The following SEMA3A variants were observed in gnomAD, a reference collection of about 807,000 sequenced individuals.
SEMA3A encodes semaphorin 3A, also known as semaphorin-3A.
SEMA3A carries 29 observed loss-of-function variants against 97.9 expected under a neutral mutation model. That is an observed-to-expected ratio of 0.30 (90% CI 0.22 to 0.40). SEMA3A has a LOEUF of 0.40. Ranked by LOEUF, SEMA3A falls within the 10% of genes least tolerant of loss-of-function variation. The pLI, the probability that SEMA3A is intolerant of heterozygous loss-of-function variation, is 1.00. For missense variants in SEMA3A, 763 were observed against 951.3 expected, an observed-to-expected ratio of 0.80 and a Z score of 2.60; for synonymous variants, 321 against 323.7, an observed-to-expected ratio of 0.99 and a Z score of 0.09.
intron 12 of SEMA3A, among the ~76,000 whole-genome samples, chr7:83,993,411 T>A (rs1369695644): frequency 6.6e-6 from 1 of 151,818 alleles, no homozygotes; most frequent in African/African-American, 2.4e-5. Context: ...TTCCTAGTCT[T>A]GATGGTGTTT....
intron 1 of SEMA3A, among the ~76,000 whole-genome samples, chr7:84,391,469 G>T (rs1035464039): frequency 6.6e-6 from 1 of 152,022 alleles, no homozygotes; most frequent in African/African-American, 2.4e-5. Context: ...GATGTGGATG[G>T]GAAGGAAAAT....
chr7:84,085,241 A>ATTTTT (rs34047125), intron 4 of SEMA3A, among the ~76,000 whole-genome samples: 2 of 150,816 alleles, frequency 1.3e-5, no homozygotes, highest in Admixed American at 6.6e-5. Context: ...TTGGAATGAG[A>ATTTTT]TTTTTTTTTC....
At chr7:84,371,340 A>C (rs1802970271) in intron 2 of SEMA3A, among the ~76,000 whole-genome samples, 1 of 151,854 alleles carries the variant, frequency 6.6e-6, no homozygotes, top group Non-Finnish European at 1.5e-5. Flanking sequence ...AGACAATAAA[A>C]TTGGAACAGT....
chr7:84,018,593 A>G (rs1335852389), intron 6 of SEMA3A, among the ~76,000 whole-genome samples: 1 of 152,218 alleles, frequency 6.6e-6, no homozygotes, highest in African/African-American at 2.4e-5. Flanking sequence ...AAGAATTTGC[A>G]TAAGTCTTAG....
At chr7:84,060,656 G>A (rs1793180137) in intron 4 of SEMA3A, 98 bp from the exon 5 acceptor site, 1 of 698,824 alleles carries the variant, frequency 1.4e-6, no homozygotes, top group South Asian at 3.4e-5. Flanking sequence ...AAGTATTCAT[G>A]TCCAACACAA....
chr7:84,400,550 T>A (rs1267397443), intron 1 of SEMA3A, among the ~76,000 whole-genome samples: 1 of 151,988 alleles, frequency 6.6e-6, no homozygotes, highest in Non-Finnish European at 1.5e-5. Context: ...GAGGAAAGAA[T>A]CAGTGAGCTC....
intron 1 of SEMA3A, among the ~76,000 whole-genome samples, chr7:84,487,980 G>A (rs952308716): frequency 2.6e-5 from 4 of 151,936 alleles, no homozygotes; most frequent in African/African-American, 9.7e-5. Context: ...TTTGTCTTGC[G>A]TAAGTCTGCT....
At chr7:84,022,263 C>T (rs996987243) in intron 6 of SEMA3A, among the ~76,000 whole-genome samples, 4 of 152,242 alleles carry the variant, frequency 2.6e-5, no homozygotes, top group African/African-American at 9.6e-5. Context: ...GATTGACCTA[C>T]TTTATTAATT....
chr7:83,982,784 T>C (rs1231175209), intron 13 of SEMA3A, among the ~76,000 whole-genome samples: 5 of 152,082 alleles, frequency 3.3e-5, no homozygotes, highest in African/African-American at 4.8e-5. Flanking sequence ...ATGTATAAAC[T>C]GCATGTATAA....
chr7:84,346,478 C>A (rs191850489), intron 2 of SEMA3A, among the ~76,000 whole-genome samples: 2 of 152,234 alleles, frequency 1.3e-5, no homozygotes, highest in East Asian at 3.9e-4. Flanking sequence ...AGATGTGTGA[C>A]CCTTCTTCCA....
intron 3 of SEMA3A, among the ~76,000 whole-genome samples, chr7:84,218,995 A>C (rs1798813190): frequency 6.6e-6 from 1 of 152,074 alleles, no homozygotes; most frequent in Admixed American, 6.6e-5. Context: ...TTCAAAAAAT[A>C]TTGGTATGGA....
intron 10 of SEMA3A, among the ~76,000 whole-genome samples, chr7:84,005,923 T>C (rs796395845): frequency 6.6e-6 from 1 of 152,114 alleles, no homozygotes; most frequent in African/African-American, 2.4e-5. Context: ...CACTGTAGCC[T>C]AAGCAATAGA....
At chr7:84,270,306 A>C (rs1204309893) in intron 3 of SEMA3A, among the ~76,000 whole-genome samples, 1 of 152,004 alleles carries the variant, frequency 6.6e-6, no homozygotes, top group African/African-American at 2.4e-5. Flanking sequence ...TAGTTTGCTG[A>C]ATATCTGTGA....
At chr7:84,295,234 G>T (rs1017696034) in intron 3 of SEMA3A, among the ~76,000 whole-genome samples, 3 of 151,752 alleles carry the variant, frequency 2.0e-5, no homozygotes, top group Non-Finnish European at 2.9e-5. Context: ...ATGGTCTCTT[G>T]GTTCAAAATA....
At chr7:84,241,325 C>T (rs538199540) in intron 3 of SEMA3A, among the ~76,000 whole-genome samples, 3 of 152,076 alleles carry the variant, frequency 2.0e-5, no homozygotes, top group South Asian at 2.1e-4. Context: ...TATCTCATTA[C>T]GGTTTTGATT....
At chr7:84,417,639 T>C (rs896027763) in intron 1 of SEMA3A, among the ~76,000 whole-genome samples, 1 of 152,110 alleles carries the variant, frequency 6.6e-6, no homozygotes, top group Non-Finnish European at 1.5e-5. Flanking sequence ...TTACTAATTT[T>C]AAAAATGACT....
At chr7:84,317,025 C>CT (rs1801522267) in intron 2 of SEMA3A, among the ~76,000 whole-genome samples, 2 of 152,140 alleles carry the variant, frequency 1.3e-5, no homozygotes, top group African/African-American at 4.8e-5. Context: ...TACCCATCAT[C>CT]ATAATAGGGC....
intron 1 of SEMA3A, among the ~76,000 whole-genome samples, chr7:84,431,504 G>T (rs1483336333): frequency 2.0e-5 from 3 of 151,844 alleles, no homozygotes; most frequent in Non-Finnish European, 4.4e-5. Flanking sequence ...TTAAGAGTCA[G>T]ATTTTACTAG....
chr7:84,137,897 ATAAG>A (rs1174399992), intron 1 of SEMA3A, among the ~76,000 whole-genome samples: 1 of 152,158 alleles, frequency 6.6e-6, no homozygotes, highest in Non-Finnish European at 1.5e-5. Flanking sequence ...TTATACAGTT[ATAAG>A]TAAGAACACA....
Sources: allele counts gnomAD v4.1 joint callset (sites outside exome capture counted in the v4.1 genomes callset), GRCh38; gene constraint gnomAD v4.1.1; transcripts MANE v1.5; gene names NCBI Gene and HGNC (gene_info 2026-07-23, HGNC 2026-07-21).